The following TNS3 variants were observed in gnomAD, a reference collection of about 807,000 sequenced individuals.
TNS3 encodes the protein tensin-3.
A neutral mutation model predicts 140.9 loss-of-function variants in TNS3; 45 were observed. That is an observed-to-expected ratio of 0.32 (90% CI 0.25 to 0.41). TNS3 has a LOEUF of 0.41. TNS3 is among the 10% of genes least tolerant of loss of function. The pLI is 1.00. For missense variants in TNS3, 1,716 were observed against 1,906.7 expected, an observed-to-expected ratio of 0.90 and a Z score of 1.86; for synonymous variants, 815 against 788.4, an observed-to-expected ratio of 1.03 and a Z score of -0.56.
chr7:47,311,415 T>C (rs913982504), intron 20 of TNS3, among the ~76,000 whole-genome samples: 1 of 149,168 alleles, frequency 6.7e-6, no homozygotes, highest in African/African-American at 2.4e-5. Context: ...TGTGTGTGTG[T>C]GTGTGTGTGT....
rs763538498 is a variant in TNS3, at chr7:47,297,150, C to G, written c.3608G>C (p.Arg1203Pro). Reference protein sequence around the residue: ...SFIVRDSHSFRGAYGLAMKVA... With the variant: ...SFIVRDSHSFPGAYGLAMKVA... ...CTTCATGGCCAGGCCATAGGCCCCT[C>G]GGAAGGAATGGCTGTCTCGAACAAT... Residue 1203 changes from arginine (R) to proline (P), a missense_variant, in exon 24 of 31, where the codon CGA becomes CCA. This residue lies in a region of TNS3 where 1,163 missense variants were observed against 1,182.1 expected (regional missense o/e 0.98). Coordinates refer to ENST00000311160, the MANE Select transcript of TNS3 (RefSeq NM_022748.12). 1.9e-6 allele frequency: 3 copies of G among 1,613,894 alleles called. No homozygotes were observed. Among genetic ancestry groups the G allele is most frequent in the South Asian group, 2.2e-5 (2 of 91,046 alleles).
chr7:47,356,053 G>A lies in TNS3; in HGVS notation c.2282-9697C>T, dbSNP rs918860940. Among the ~76,000 whole-genome samples the A allele has an allele frequency of 3.3e-5, 5 of 152,320 alleles. No homozygotes were observed. The South Asian group carries it at 6.2e-4, about 19-fold the overall frequency. ...CATGGGGTCGCCTGCCTCTGCCTCT[G>A]ATAACCAATACGTGACTGTTGGCTG... On this transcript the variant is annotated intron_variant, in intron 17 of 30. Coordinates refer to ENST00000311160, the MANE Select transcript of TNS3 (RefSeq NM_022748.12).
chr7:47,385,699 C>T (rs1014507764), intron 16 of TNS3, among the ~76,000 whole-genome samples: 4 of 152,224 alleles, frequency 2.6e-5, no homozygotes, highest in Non-Finnish European at 5.9e-5. Context: ...ACTCCCAATA[C>T]TACGAGAAAG....
At chr7:47,558,101 C>T (rs138465271) in intron 1 of TNS3, among the ~76,000 whole-genome samples, 46 of 152,336 alleles carry the variant, frequency 3.0e-4, no homozygotes, top group African/African-American at 1.1e-3. Context: ...TGTCCACCCC[C>T]ATGTGGGTGC....
At position 47,276,835 on chromosome 7, in the gene TNS3, G is replaced by C. The variant is rs1784888798; in HGVS notation, c.*1241C>G. The C allele has an allele frequency of 6.6e-6, 1 of 152,162 alleles. No homozygotes were observed. The highest frequency in any genetic ancestry group is 6.5e-5 in the Admixed American group (1 of 15,274). 9.4% of individuals were successfully genotyped at this position (152,162 alleles called of 1,614,324 possible). On this transcript the variant is annotated 3_prime_UTR_variant, in exon 31 of 31. Coordinates refer to ENST00000311160, the MANE Select transcript of TNS3 (RefSeq NM_022748.12). ...CTCATCCTCCCTTCTGCTCACACAT[G>C]CCACAACCACACATGGTCCCCAGCA...
intron 16 of TNS3, among the ~76,000 whole-genome samples, chr7:47,388,556 T>C (rs1792207113): frequency 1.3e-5 from 2 of 152,154 alleles, no homozygotes; most frequent in Non-Finnish European, 2.9e-5. Flanking sequence ...GAAGCACAGC[T>C]CCTCTGGACT....
chr7:47,510,141 A>T (rs535338013), intron 2 of TNS3, among the ~76,000 whole-genome samples: 16 of 152,292 alleles, frequency 1.1e-4, no homozygotes, highest in Non-Finnish European at 1.6e-4. Context: ...ACTGTGTCCC[A>T]ATCTTGACCT....
At chr7:47,464,691 C>T (rs1022605697) in intron 4 of TNS3, among the ~76,000 whole-genome samples, 5 of 152,180 alleles carry the variant, frequency 3.3e-5, no homozygotes, top group Non-Finnish European at 5.9e-5. Context: ...TCTTAGATGA[C>T]ACTCTGAGAT....
intron 17 of TNS3, among the ~76,000 whole-genome samples, chr7:47,362,193 C>T (rs1790374412): frequency 6.6e-6 from 1 of 152,138 alleles, no homozygotes; most frequent in Non-Finnish European, 1.5e-5. Context: ...TCATGGCTGG[C>T]AGGCACTTGT....
At chr7:47,331,809 A>G (rs1379650135) in intron 20 of TNS3, among the ~76,000 whole-genome samples, 1 of 152,228 alleles carries the variant, frequency 6.6e-6, no homozygotes, top group Non-Finnish European at 1.5e-5. Context: ...TATGTACCAT[A>G]TAACATGTCT....
intron 4 of TNS3, among the ~76,000 whole-genome samples, chr7:47,444,399 C>T (rs1704974): frequency 0.77 from 117,139 of 152,230 alleles, 46,818 homozygotes; most frequent in Non-Finnish European, 0.87. Flanking sequence ...AAGACTGGCA[C>T]GCAACTTAAC....
In TNS3 at chr7:47,392,191, G is replaced by A. The variant is rs555845212; in HGVS notation, c.1024+4609C>T. On this transcript the variant is annotated intron_variant, in intron 16 of 30. Transcript: ENST00000311160. ...AACACTGACACGACTGCCGTCCCCC[G>A]CAGCCACCACCTGCCAGGACCACAG... 2.2e-3 allele frequency among the ~76,000 whole-genome samples: 293 copies of A among 134,836 alleles called. 1 individual carries two copies. The highest frequency in any genetic ancestry group is 6.6e-3 in the African/African-American group (268 of 40,826). 88.5% of individuals were successfully genotyped at this position (134,836 alleles called of 152,430 possible). A position where few individuals can be genotyped will look rare whatever the true frequency, so the allele number is the denominator to read the frequency against.
intron 5 of TNS3, 80 bp from the exon 6 acceptor site, chr7:47,439,738 A>T: frequency 6.9e-7 from 1 of 1,448,528 alleles, no homozygotes; most frequent in Non-Finnish European, 9.4e-7. Context: ...GGTGAAGACG[A>T]CGGACACTCA....
chr7:47,426,784 A>C (rs1794674795), intron 9 of TNS3, among the ~76,000 whole-genome samples: 1 of 152,176 alleles, frequency 6.6e-6, no homozygotes, highest in Admixed American at 6.5e-5. Context: ...GACTATCCAC[A>C]GTGCATGGAA....
intron 16 of TNS3, among the ~76,000 whole-genome samples, chr7:47,390,197 C>T (rs1490282090): frequency 6.6e-6 from 1 of 152,240 alleles, no homozygotes; most frequent in East Asian, 1.9e-4. Flanking sequence ...TGTCAGGTGC[C>T]ATCGGCCCCC....
intron 16 of TNS3, among the ~76,000 whole-genome samples, chr7:47,389,006 GAA>G (rs1185551678): frequency 4.6e-3 from 11 of 2,394 alleles, no homozygotes; most frequent in Admixed American, 6.5e-3. Context: ...GAAGAAGGAA[GAA>G]GAAGAAGAAG....
At chr7:47,566,876 C>A (rs1363174462) in intron 1 of TNS3, among the ~76,000 whole-genome samples, 3 of 151,958 alleles carry the variant, frequency 2.0e-5, no homozygotes, top group Non-Finnish European at 4.4e-5. Flanking sequence ...CCCGTCTCTA[C>A]TAACAATACA....
chr7:47,437,145 T>C, intron 7 of TNS3, 118 bp downstream of exon 7: 1 of 639,794 alleles, frequency 1.6e-6, no homozygotes, highest in Non-Finnish European at 2.7e-6. Context: ...ATATGAACAA[T>C]TCCTAATACT....
chr7:47,325,809 T>C lies in TNS3; in HGVS notation c.2650+18946A>G, dbSNP rs560472886. Reference sequence around the variant, plus strand: ...TGCATCACACCCACCAGGCTTCCTGTCCTGATCCTACATCAACTAGGCAGC... The same window carrying C: ...TGCATCACACCCACCAGGCTTCCTGCCCTGATCCTACATCAACTAGGCAGC... On this transcript the variant is annotated intron_variant, in intron 20 of 30. Coordinates refer to ENST00000311160, the MANE Select transcript of TNS3 (RefSeq NM_022748.12). Among the ~76,000 whole-genome samples the C allele has an allele frequency of 3.3e-5, 5 of 152,276 alleles. No individual in the cohort carries two copies. The South Asian group carries it at 6.2e-4, about 19-fold the overall frequency.
Sources: allele counts gnomAD v4.1 joint callset (sites outside exome capture counted in the v4.1 genomes callset), GRCh38; gene constraint gnomAD v4.1.1; regional missense constraint gnomAD v4.1.1; transcripts MANE v1.5; gene names NCBI Gene and HGNC (gene_info 2026-07-23, HGNC 2026-07-21).